MICU1: variants seen among roughly 807,000 people sequenced by gnomAD.
The protein encoded by MICU1 is mitochondrial calcium uptake 1.
MICU1 carries 45 observed loss-of-function variants against 56.8 expected under a neutral mutation model. The ratio of observed to expected loss-of-function variants is 0.79; its 90% confidence interval spans 0.62 to 1.02. The LOEUF is 1.02. Among genes scored for constraint, MICU1 ranks in the 50% least tolerant of loss-of-function variants. The pLI is 0.00. For missense variants in MICU1, 504 were observed against 587.1 expected, an observed-to-expected ratio of 0.86 and a Z score of 1.46; for synonymous variants, 186 against 195.1, an observed-to-expected ratio of 0.95 and a Z score of 0.39.
chr10:72,421,366 C>A (rs1864168443), intron 9 of MICU1, among the ~76,000 whole-genome samples: 1 of 151,902 alleles, frequency 6.6e-6, no homozygotes, highest in Non-Finnish European at 1.5e-5. Flanking sequence ...CCTCCCTTCC[C>A]CGGGTTCAAG....
intron 6 of MICU1, among the ~76,000 whole-genome samples, chr10:72,482,834 TAC>T (rs1458205202): frequency 2.0e-3 from 174 of 86,924 alleles, no homozygotes; most frequent in Middle Eastern, 6.7e-3. Flanking sequence ...TATATATATA[TAC>T]ATATATATAT....
chr10:72,551,716 C>A (rs1241645880), intron 3 of MICU1, among the ~76,000 whole-genome samples: 1 of 152,082 alleles, frequency 6.6e-6, no homozygotes, highest in African/African-American at 2.4e-5. Context: ...TATATGCCAA[C>A]CTATAGCTTC....
chr10:72,496,298 TC>T (rs2132316396), intron 6 of MICU1, among the ~76,000 whole-genome samples: 1 of 148,714 alleles, frequency 6.7e-6, no homozygotes, highest in African/African-American at 2.5e-5. Context: ...CCTGGCTAAT[TC>T]CTTTTTTTTT....
intron 6 of MICU1, chr10:72,477,734 G>A: frequency 3.4e-6 from 2 of 588,406 alleles, no homozygotes; most frequent in Non-Finnish European, 5.9e-6. Flanking sequence ...TGTTGTAAGT[G>A]CAGTCAGGAG....
intron 8 of MICU1, among the ~76,000 whole-genome samples, chr10:72,459,861 T>C (rs1441058385): frequency 1.3e-5 from 2 of 152,196 alleles, no homozygotes; most frequent in Non-Finnish European, 2.9e-5. Context: ...GCAAACCTAC[T>C]TCTCCTCCTG....
intron 4 of MICU1, among the ~76,000 whole-genome samples, chr10:72,547,384 A>T (rs1237340811): frequency 6.6e-6 from 1 of 152,014 alleles, no homozygotes; most frequent in African/African-American, 2.4e-5. Context: ...GAAGTTTTAT[A>T]TACCTTTCAT....
At chr10:72,543,652 G>A (rs561625229) in intron 4 of MICU1, among the ~76,000 whole-genome samples, 131 of 152,240 alleles carry the variant, frequency 8.6e-4, no homozygotes, top group African/African-American at 2.9e-3. Context: ...TCAGGAGATC[G>A]AGACCATCCT....
In MICU1 at chr10:72,569,237, A is replaced by ATTTT. The variant is rs1178823534; in HGVS notation, c.-1-2447_-1-2444dup. 7.4e-3 allele frequency among the ~76,000 whole-genome samples: 255 copies of ATTTT among 34,298 alleles called. 26 individuals are homozygous for ATTTT. The East Asian group carries it at 0.086, about 12-fold the overall frequency. 22.5% of individuals were successfully genotyped at this position (34,298 alleles called of 152,430 possible). A position where few individuals can be genotyped will look rare whatever the true frequency, so the allele number is the denominator to read the frequency against. On this transcript the variant is annotated intron_variant, in intron 1 of 11. Transcript: ENST00000361114. ...TATATATATATATATATATATATATATTTTTTTTTTTTTTTGAGATGGCGT... is the reference window on the plus strand; with the variant it reads ...TATATATATATATATATATATATATATTTTTTTTTTTTTTTTTTTGAGATGGCGT...
intron 8 of MICU1, among the ~76,000 whole-genome samples, chr10:72,450,562 C>A (rs1865263883): frequency 6.6e-6 from 1 of 152,198 alleles, no homozygotes; most frequent in South Asian, 2.1e-4. Flanking sequence ...TAACAACTTG[C>A]AAAGCCTGTG....
intron 8 of MICU1, among the ~76,000 whole-genome samples, chr10:72,453,866 G>A (rs192669016): frequency 1.5e-3 from 220 of 150,188 alleles, no homozygotes; most frequent in Middle Eastern, 0.014. Context: ...ATGGAGTTTC[G>A]TTCTTGTCAC....
At chr10:72,487,026 T>C (rs915207279) in intron 6 of MICU1, among the ~76,000 whole-genome samples, 2 of 152,176 alleles carry the variant, frequency 1.3e-5, no homozygotes, top group Non-Finnish European at 2.9e-5. Context: ...AAATTTATGG[T>C]GAAGCTTGGG....
chr10:72,478,980 A>G (rs1866205301), intron 6 of MICU1, among the ~76,000 whole-genome samples: 1 of 152,094 alleles, frequency 6.6e-6, no homozygotes, highest in Non-Finnish European at 1.5e-5. Flanking sequence ...AGTTTTGTAT[A>G]TTTGTTGTCA....
At chr10:72,416,196 G>GA (rs35242260) in intron 9 of MICU1, among the ~76,000 whole-genome samples, 2 of 152,008 alleles carry the variant, frequency 1.3e-5, no homozygotes, top group Non-Finnish European at 2.9e-5. Flanking sequence ...TCATTGTGGG[G>GA]AAAAAACAGG....
In MICU1 at chr10:72,569,237, A is replaced by ATTT. The variant is rs1178823534; in HGVS notation, c.-1-2446_-1-2444dup. Among the ~76,000 whole-genome samples, 33 of 34,376 alleles carry ATTT rather than the reference A, an allele frequency of 9.6e-4. 5 individuals are homozygous for ATTT. Among genetic ancestry groups the ATTT allele is most frequent in the East Asian group, 3.5e-3 (5 of 1,444 alleles). The allele number at this position is 34,376 out of a possible 152,430, so 22.6% of individuals were successfully genotyped here. A position where few individuals can be genotyped will look rare whatever the true frequency, so the allele number is the denominator to read the frequency against. On this transcript the variant is annotated intron_variant, in intron 1 of 11. Transcript: ENST00000361114. The stretch of plus-strand genomic sequence containing the variant: ...TATATATATATATATATATATATAT[A>ATTT]TTTTTTTTTTTTTTTGAGATGGCGT...
At chr10:72,493,547 G>T (rs186563790) in intron 6 of MICU1, among the ~76,000 whole-genome samples, 3 of 152,192 alleles carry the variant, frequency 2.0e-5, no homozygotes, top group Non-Finnish European at 4.4e-5. Flanking sequence ...TGACCTGCTG[G>T]GCTCAGGTGA....
In MICU1 at chr10:72,383,989, TA is replaced by T. The variant is rs797009644; in HGVS notation, c.1181-8118del. Among the ~76,000 whole-genome samples the T allele has an allele frequency of 7.4e-4, 111 of 150,856 alleles. 1 individual carries two copies. The highest frequency in any genetic ancestry group is 4.1e-4 in the African/African-American group (17 of 41,094). On this transcript the variant is annotated intron_variant, in intron 10 of 11. Coordinates refer to ENST00000361114, the MANE Select transcript of MICU1 (RefSeq NM_001195518.2). ...GTTTTGCATTTTTAAACAATTTTAT[TA>T]AAAAAAAATTTTTTTTTAATTGAGA...
At chr10:72,423,515 C>G in intron 8 of MICU1, 144 bp from the exon 9 acceptor site, 1 of 1,039,860 alleles carries the variant, frequency 9.6e-7, no homozygotes, top group Non-Finnish European at 1.4e-6. Context: ...GTAAGATCTG[C>G]AAAAACTAAG....
intron 1 of MICU1, among the ~76,000 whole-genome samples, chr10:72,608,741 T>C (rs1015785747): frequency 6.6e-6 from 1 of 152,218 alleles, no homozygotes; most frequent in Non-Finnish European, 1.5e-5. Flanking sequence ...TGTTTCTCCA[T>C]ACTTAACTGT....
At chr10:72,407,332 A>G (rs570992019) in intron 10 of MICU1, among the ~76,000 whole-genome samples, 6 of 152,320 alleles carry the variant, frequency 3.9e-5, no homozygotes, top group African/African-American at 9.6e-5. Flanking sequence ...GTTGAGCTGA[A>G]TATGTGGATG....
Sources: gnomAD v4.1 joint callset for allele counts (sites outside exome capture counted in the v4.1 genomes callset) on GRCh38, gnomAD v4.1.1 for gene constraint, MANE v1.5 for transcripts, NCBI Gene and HGNC (gene_info 2026-07-23, HGNC 2026-07-21) for gene names.